The following SIGLEC9 variants were observed in gnomAD, a reference collection of about 807,000 sequenced individuals.
The protein encoded by SIGLEC9 is sialic acid binding Ig like lectin 9.
SIGLEC9 carries 26 observed loss-of-function variants against 38.3 expected under a neutral mutation model. That is an observed-to-expected ratio of 0.68 (90% CI 0.50 to 0.94). The LOEUF is 0.94. Among genes scored for constraint, SIGLEC9 ranks in the 40% least tolerant of loss-of-function variants. The probability of loss-of-function intolerance (pLI) is 0.00; values close to 1 mark genes in which losing one functional copy is unlikely to be tolerated. For synonymous variants in SIGLEC9, 236 were observed against 248.0 expected (o/e 0.95, Z 0.45); for missense variants, 556 against 585.7 (o/e 0.95, Z 0.52).
Position 51,130,077 on chromosome 19 carries a change from TGAGAAACTGCA to T in SIGLEC9, c.*3_*13del. ...GTACTCGGAGATCAAGATCCACAGA[TGAGAAACTGCA>T]GAGACTCACCCTGATTGAGGGATCA... On this transcript the variant is annotated stop_retained_variant and 3_prime_UTR_variant, in exon 7 of 7. Coordinates refer to ENST00000250360, the MANE Select transcript of SIGLEC9 (RefSeq NM_014441.3). The T allele has an allele frequency of 6.2e-7, 1 of 1,609,026 alleles. No individual in the cohort carries two copies. The highest frequency in any genetic ancestry group is 8.5e-7 in the Non-Finnish European group (1 of 1,177,178).
chr19:51,125,575 T>G (rs564495277), intron 1 of SIGLEC9, 22 bp from the exon 2 acceptor site: 53 of 1,607,096 alleles, frequency 3.3e-5, no homozygotes, highest in Non-Finnish European at 4.5e-5. Flanking sequence ...GACCTGATCC[T>G]GAGTCCCCCT....
rs2091993733 is a variant in SIGLEC9, at chr19:51,128,500, C to T, written c.1193C>T (p.Ser398Leu). 1.9e-6 allele frequency: 3 copies of T among 1,613,902 alleles called. No homozygotes were observed. Among genetic ancestry groups the T allele is most frequent in the Non-Finnish European group, 2.5e-6 (3 of 1,179,830 alleles). ...GAGGATGCAAACGCTGTCAGGGGTT[C>T]AGCCTCTCAGGTGAGTGATGTGGAC... The part of the protein sequence containing the change: ...GIEDANAVRG[S>L]ASQGPLTEPW... The change falls in exon 6 of 7, where the codon TCA becomes TTA. Residue 398 changes from serine (S) to leucine (L), a missense_variant. Ser to Leu is a moderately radical substitution (Grantham distance 145, BLOSUM62 -2). Coordinates refer to ENST00000250360, the MANE Select transcript of SIGLEC9 (RefSeq NM_014441.3).
chr19:51,124,805 C>T (rs892567070), upstream of SIGLEC9: 16 of 821,954 alleles, frequency 1.9e-5, no homozygotes, highest in Admixed American at 5.9e-5. Flanking sequence ...AGGGCTGACC[C>T]GGGCCTGACA....
chr19:51,130,248 A>C lies in SIGLEC9; in HGVS notation c.*169A>C. 2.9e-4 allele frequency: 365 copies of C among 1,266,848 alleles called. No homozygotes were observed. The highest frequency in any genetic ancestry group is 3.3e-4 in the Non-Finnish European group (327 of 984,400). The allele number at this position is 1,266,848 out of a possible 1,614,324, so 78.5% of individuals were successfully genotyped here. On this transcript the variant is annotated 3_prime_UTR_variant, in exon 7 of 7. Coordinates refer to ENST00000250360, the MANE Select transcript of SIGLEC9 (RefSeq NM_014441.3). ...ACAGGCTTTAGAGTCAAAGTATCTCAAACCTGAATCCACACTGTGCCCTCC... is the reference window on the plus strand; with the variant it reads ...ACAGGCTTTAGAGTCAAAGTATCTCCAACCTGAATCCACACTGTGCCCTCC...
chr19:51,135,678 T>C (rs2092037858), intron 6 of SIGLEC9, among the ~76,000 whole-genome samples: 2 of 152,200 alleles, frequency 1.3e-5, no homozygotes, highest in African/African-American at 4.8e-5. Flanking sequence ...GTTTTATAAG[T>C]TGCTGCGTCT....
At position 51,129,156 on chromosome 19, in the gene SIGLEC9, T is replaced by G. The variant is rs548018814; in HGVS notation, c.1203+646T>G. Among the ~76,000 whole-genome samples the G allele has an allele frequency of 2.4e-3, 349 of 143,688 alleles. 4 individuals carry two copies. The highest frequency in any genetic ancestry group is 6.8e-3 in the Middle Eastern group (2 of 294). The allele number at this position is 143,688 out of a possible 152,430, so 94.3% of individuals were successfully genotyped here. On this transcript the variant is annotated intron_variant, in intron 6 of 6. Transcript: ENST00000250360. The stretch of plus-strand genomic sequence containing the variant: ...ATTCTGACTTTTTTTGTTTTTTTTT[T>G]TTTTTGTTGTTGTTGTTTTTGAGAC...
In SIGLEC9 at chr19:51,130,261, C is replaced by T. The variant is rs2092008402; in HGVS notation, c.*182C>T. The T allele has an allele frequency of 8.5e-7, 1 of 1,181,466 alleles. No individual in the cohort carries two copies. Among genetic ancestry groups the T allele is most frequent in the Non-Finnish European group, 1.1e-6 (1 of 914,222 alleles). The allele number at this position is 1,181,466 out of a possible 1,614,324, so 73.2% of individuals were successfully genotyped here. A position where few individuals can be genotyped will look rare whatever the true frequency, so the allele number is the denominator to read the frequency against. ...TCAAAGTATCTCAAACCTGAATCCA[C>T]ACTGTGCCCTCCCTTTTATTTTTTT... On this transcript the variant is annotated 3_prime_UTR_variant, in exon 7 of 7. Coordinates refer to ENST00000250360, the MANE Select transcript of SIGLEC9 (RefSeq NM_014441.3).
intron 3 of SIGLEC9, 78 bp from the exon 4 acceptor site, chr19:51,126,952 G>A (rs1036345834): frequency 2.3e-6 from 3 of 1,322,506 alleles, no homozygotes; most frequent in Non-Finnish European, 3.2e-6. Flanking sequence ...GTCAGTTGCT[G>A]TCATCAGTCT....
intron 6 of SIGLEC9, 127 bp downstream of exon 6, chr19:51,128,637 C>A (rs184995878): frequency 3.2e-4 from 248 of 775,934 alleles, no homozygotes; most frequent in African/African-American, 2.4e-3. Flanking sequence ...TTCTCTGTAG[C>A]CCCAAATCAC....
rs374890511 is a variant in SIGLEC9, at chr19:51,128,425, G to C, written c.1118G>C (p.Cys373Ser). 3.3e-4 allele frequency: 540 copies of C among 1,614,100 alleles called. 6 individuals are homozygous for C. In the South Asian group the frequency reaches 5.0e-3, roughly 15 times the overall value. Residue 373 changes from cysteine (C) to serine (S), a missense_variant, in exon 6 of 7, where the codon TGC (cysteine) becomes TCC (serine). By Grantham distance (112) the Cys-to-Ser change is moderately radical. Transcript: ENST00000250360. ...GTCTCTTCACTCAGAGTGAGGTCCTGCAGGAAGAAATCGGCAAGGCCAGCA... is the reference window on the plus strand; with the variant it reads ...GTCTCTTCACTCAGAGTGAGGTCCTCCAGGAAGAAATCGGCAAGGCCAGCA... ...FCVIFVVVRS[C>S]RKKSARPAAG... is the part of the protein sequence containing the mutation.
At chr19:51,122,468 C>T (rs2122826809), upstream of SIGLEC9, among the ~76,000 whole-genome samples, 1 of 151,946 alleles carries the variant, frequency 6.6e-6, no homozygotes, top group South Asian at 2.1e-4. The surrounding 1 kb of genome is among the most constrained non-coding windows in gnomAD (Gnocchi z 4.1). Context: ...GTAATCCCAG[C>T]TACTCAGGAG....
chr19:51,134,254 C>T (rs1305291835), downstream of SIGLEC9, among the ~76,000 whole-genome samples: 3 of 137,048 alleles, frequency 2.2e-5, no homozygotes, highest in Non-Finnish European at 3.1e-5. Context: ...AAGCGATTCT[C>T]CTGCCTCAGC....
chr19:51,120,919 C>T (rs142145582), upstream of SIGLEC9, among the ~76,000 whole-genome samples: 1,898 of 150,954 alleles, frequency 0.013, 34 homozygotes, highest in African/African-American at 0.042. This position sits in a 1 kb window ranked among gnomAD's most constrained non-coding sequence, Gnocchi z 4.1. Flanking sequence ...AATCTCTGCT[C>T]ACTGCAGCCT....
chr19:51,124,888 C>T (rs2091965202), upstream of SIGLEC9: 2 of 1,520,604 alleles, frequency 1.3e-6, no homozygotes, highest in East Asian at 2.3e-5. Flanking sequence ...TGTAGGGCCT[C>T]CTCTAAGTCT....
intron 6 of SIGLEC9, 72 bp from the exon 7 acceptor site, chr19:51,129,819 G>C: frequency 2.7e-6 from 3 of 1,117,208 alleles, no homozygotes; most frequent in Non-Finnish European, 3.9e-6. Context: ...GAAGAGCTGG[G>C]ATTACAGATG....
Position 51,127,154 on chromosome 19 carries a change from C to A in SIGLEC9, c.873C>A (p.Gly291=). Residue 291 remains glycine, a synonymous_variant, in exon 4 of 7, where the codon GGC becomes GGA. Coordinates refer to ENST00000250360, the MANE Select transcript of SIGLEC9 (RefSeq NM_014441.3). ...CCAGGCTGAGCCTGAGCTGGAGAGGCCTGACCCTGTGCCCCTCACAGCCCT... is the reference window on the plus strand; with the variant it reads ...CCAGGCTGAGCCTGAGCTGGAGAGGACTGACCCTGTGCCCCTCACAGCCCT... The part of the protein sequence containing the change: ...PPARLSLSWR[G]LTLCPSQPSN... 1 of 1,614,244 alleles carries A rather than the reference C, an allele frequency of 6.2e-7. No individual in the cohort carries two copies. Among genetic ancestry groups the A allele is most frequent in the Non-Finnish European group, 8.5e-7 (1 of 1,180,048 alleles).
chr19:51,135,874 C>T, intron 6 of SIGLEC9: 2 of 645,258 alleles, frequency 3.1e-6, no homozygotes, highest in Non-Finnish European at 5.6e-6. Flanking sequence ...GATGTTAATA[C>T]TTCCGCTTGT....
upstream of SIGLEC9, among the ~76,000 whole-genome samples, chr19:51,123,770 T>C (rs576240240): frequency 3.3e-5 from 5 of 152,348 alleles, no homozygotes; most frequent in East Asian, 9.6e-4. Flanking sequence ...TTTATCTATA[T>C]GGCTTATATT....
At position 51,126,056 on chromosome 19, in the gene SIGLEC9, G is replaced by T. The variant is rs142810669; in HGVS notation, c.701-25G>T. The T allele has an allele frequency of 5.0e-6, 8 of 1,612,724 alleles. No homozygotes were observed. The African/African-American group carries it at 8.0e-5, about 16-fold the overall frequency. ...GTGTCCCCAGCCCTCACAGTGATGC[G>T]GGTCTCCATGTCTTTCTGTCCCAGA... On this transcript the variant is annotated intron_variant, in intron 2 of 6. Coordinates refer to ENST00000250360, the MANE Select transcript of SIGLEC9 (RefSeq NM_014441.3).
Sources: gnomAD v4.1 joint callset for allele counts (sites outside exome capture counted in the v4.1 genomes callset) on GRCh38, gnomAD v4.1.1 for gene constraint, Gnocchi (gnomAD v3.1) non-coding constraint, MANE v1.5 for transcripts, NCBI Gene and HGNC (gene_info 2026-07-23, HGNC 2026-07-21) for gene names.